RNF216: variants seen among roughly 807,000 people sequenced by gnomAD.
RNF216 encodes ring finger protein 216.
Under a neutral mutation model 110.8 loss-of-function variants are expected in RNF216, and 72 were observed. The ratio of observed to expected loss-of-function variants is 0.65; its 90% confidence interval spans 0.54 to 0.79. RNF216 has a LOEUF of 0.79. Ranked by LOEUF, RNF216 falls within the 30% of genes least tolerant of loss-of-function variation. RNF216 has a pLI of 0.00. For missense variants in RNF216, 1,342 were observed against 1,141.2 expected, an observed-to-expected ratio of 1.18 and a Z score of -2.54; for synonymous variants, 495 against 407.5, an observed-to-expected ratio of 1.21 and a Z score of -2.59.
chr7:5,778,578 G>A (rs1290446447), intron 1 of RNF216, among the ~76,000 whole-genome samples: 1 of 152,194 alleles, frequency 6.6e-6, no homozygotes, highest in Non-Finnish European at 1.5e-5. Flanking sequence ...GGATGGCACA[G>A]TAGATGATCT....
chr7:5,642,443 A>G (rs1277016805), intron 14 of RNF216, among the ~76,000 whole-genome samples: 4 of 151,928 alleles, frequency 2.6e-5, no homozygotes, highest in African/African-American at 9.7e-5. Flanking sequence ...GGAACTCCCG[A>G]CCTCAGGTGA....
In RNF216 at chr7:5,741,068, T is replaced by C. The variant is rs375136020; in HGVS notation, c.949A>G (p.Met317Val). 35 of 1,614,050 alleles carry C rather than the reference T, an allele frequency of 2.2e-5. No homozygotes were observed. The highest frequency in any genetic ancestry group is 4.0e-5 in the African/African-American group (3 of 74,904). Residue 317 changes from methionine (M) to valine (V), a missense_variant, in exon 4 of 17, where the codon ATG becomes GTG. Transcript: ENST00000389902. Reference protein sequence around the residue: ...DDEEPGPAFPMQESQEPNLEN... With the variant: ...DDEEPGPAFPVQESQEPNLEN... ...AAATTGGGCTCTTGAGATTCTTGCA[T>C]TGGAAAGGCTGGACCTGGCTCTTCA...
Position 5,734,021 on chromosome 7 carries a change from T to C in RNF216, c.1122-3204A>G, listed in dbSNP as rs868344295. Among the ~76,000 whole-genome samples the C allele has an allele frequency of 2.0e-5, 3 of 152,160 alleles. No individual in the cohort carries two copies. The South Asian group carries it at 6.2e-4, about 31-fold the overall frequency. ...AAAATGTAGTTATTATCATGCCACTTAGAAACCCAAAAAGAAAGTATTTTA... is the reference window on the plus strand; with the variant it reads ...AAAATGTAGTTATTATCATGCCACTCAGAAACCCAAAAAGAAAGTATTTTA... On this transcript the variant is annotated intron_variant, in intron 5 of 16. Transcript: ENST00000389902.
chr7:5,758,985 T>A (rs932799198), intron 2 of RNF216, among the ~76,000 whole-genome samples: 14 of 152,156 alleles, frequency 9.2e-5, no homozygotes, highest in African/African-American at 3.1e-4. Flanking sequence ...TAAACCCCAA[T>A]GTTGGAGATG....
At chr7:5,638,438 G>A (rs1301568954) in intron 15 of RNF216, among the ~76,000 whole-genome samples, 1 of 152,108 alleles carries the variant, frequency 6.6e-6, no homozygotes, top group South Asian at 2.1e-4. Flanking sequence ...GGAACTCCCA[G>A]ATCAAGTACA....
rs1786596462 is a variant in RNF216, at chr7:5,624,643, AGAG to A, written c.2383-521_2383-519del. ...TTGGCTCCTGGGCCAGGCCTCGGGG[AGAG>A]GAGGAAGGTGCGACAGTGAGGATGG... On this transcript the variant is annotated intron_variant, in intron 15 of 16. Coordinates refer to ENST00000389902, the MANE Select transcript of RNF216 (RefSeq NM_207111.4). The surrounding 1 kb of genome is among the most constrained non-coding windows in gnomAD (Gnocchi z 4.4). 6.6e-6 allele frequency among the ~76,000 whole-genome samples: 1 copy of A among 152,104 alleles called. No individual in the cohort carries two copies. Among genetic ancestry groups the A allele is most frequent in the Non-Finnish European group, 1.5e-5 (1 of 68,006 alleles).
chr7:5,713,748 A>G (rs968317343), intron 11 of RNF216, among the ~76,000 whole-genome samples: 4 of 152,250 alleles, frequency 2.6e-5, no homozygotes, highest in Admixed American at 2.6e-4. Flanking sequence ...ACAAATGGAA[A>G]AAGACGACAT....
chr7:5,680,744 A>C lies in RNF216; in HGVS notation c.2062-28234T>G, dbSNP rs181522383. On this transcript the variant is annotated intron_variant, in intron 13 of 16. Coordinates refer to ENST00000389902, the MANE Select transcript of RNF216 (RefSeq NM_207111.4). This position sits in a 1 kb window ranked among gnomAD's most constrained non-coding sequence, Gnocchi z 4.3. ...GATATCTAAAAGGCACCCCAGACAA[A>C]AGATGTCTGAAGCACCACTTCTGGC... Among the ~76,000 whole-genome samples the C allele has an allele frequency of 3.6e-3, 553 of 152,114 alleles. 1 individual carries two copies. The highest frequency in any genetic ancestry group is 0.012 in the African/African-American group (500 of 41,500).
In RNF216 at chr7:5,651,527, C is replaced by T. The variant is rs73338065; in HGVS notation, c.2159+886G>A. Among the ~76,000 whole-genome samples, 863 of 152,202 alleles carry T rather than the reference C, an allele frequency of 5.7e-3. 9 individuals carry two copies. The highest frequency in any genetic ancestry group is 0.02 in the African/African-American group (817 of 41,540). On this transcript the variant is annotated intron_variant, in intron 14 of 16. Coordinates refer to ENST00000389902, the MANE Select transcript of RNF216 (RefSeq NM_207111.4). ...GATTACAGGCCTGAGCTACCCTGCC[C>T]GGCTGTGAGACAATCTCTGAATAAC...
intron 13 of RNF216, among the ~76,000 whole-genome samples, chr7:5,693,679 C>T (rs944681010): frequency 6.6e-6 from 1 of 152,120 alleles, no homozygotes; most frequent in East Asian, 1.9e-4. Flanking sequence ...AGAGGAAATT[C>T]CCCTTTGCTA....
chr7:5,775,412 T>A (rs1222089123), intron 1 of RNF216, among the ~76,000 whole-genome samples: 2 of 152,196 alleles, frequency 1.3e-5, no homozygotes, highest in Non-Finnish European at 2.9e-5. Flanking sequence ...TTTTTCCTTA[T>A]GTATATGCTC....
chr7:5,667,446 CCCAT>C (rs528472539), intron 13 of RNF216, among the ~76,000 whole-genome samples: 260 of 152,274 alleles, frequency 1.7e-3, no homozygotes, highest in Non-Finnish European at 3.0e-3. Flanking sequence ...GAAAACCAGC[CCCAT>C]CTCTAGTTAC....
At chr7:5,675,638 C>T (rs569177964) in intron 13 of RNF216, among the ~76,000 whole-genome samples, 11 of 149,378 alleles carry the variant, frequency 7.4e-5, no homozygotes. Context: ...AAGACCCTCT[C>T]AAAACAAACA....
intron 13 of RNF216, among the ~76,000 whole-genome samples, chr7:5,653,591 ACT>A (rs1443153137): frequency 2.6e-5 from 3 of 114,614 alleles, no homozygotes; most frequent in East Asian, 3.2e-4. Flanking sequence ...ACAGAGCAAG[ACT>A]CTGTCTCAAA....
intron 13 of RNF216, among the ~76,000 whole-genome samples, chr7:5,707,136 T>C (rs891731354): frequency 6.6e-6 from 1 of 152,250 alleles, no homozygotes; most frequent in African/African-American, 2.4e-5. Context: ...TTGGTCTACA[T>C]GTCTGCCTGT....
chr7:5,773,954 C>G (rs1161988736), intron 1 of RNF216, among the ~76,000 whole-genome samples: 1 of 152,206 alleles, frequency 6.6e-6, no homozygotes, highest in Non-Finnish European at 1.5e-5. Flanking sequence ...GTCATTTTTA[C>G]AGCTAATTTA....
At chr7:5,779,179 C>G (rs1214814142) in intron 1 of RNF216, among the ~76,000 whole-genome samples, 4 of 152,192 alleles carry the variant, frequency 2.6e-5, no homozygotes, top group Non-Finnish European at 5.9e-5. Flanking sequence ...GTAGTAGAAT[C>G]AGCAAATACC....
At chr7:5,737,312 G>A (rs1584541067) in intron 5 of RNF216, among the ~76,000 whole-genome samples, 1 of 152,134 alleles carries the variant, frequency 6.6e-6, no homozygotes, top group Admixed American at 6.5e-5. Flanking sequence ...TTAAACACAT[G>A]CTTGAAGGCA....
At position 5,621,712 on chromosome 7, in the gene RNF216, T is replaced by G. The variant is rs1422479810; in HGVS notation, c.*1148A>C. 6.6e-6 allele frequency: 1 copy of G among 152,500 alleles called. No individual in the cohort carries two copies. The highest frequency in any genetic ancestry group is 1.9e-4 in the East Asian group (1 of 5,190). The allele number at this position is 152,500 out of a possible 1,614,324, so 9.4% of individuals were successfully genotyped here. A position where few individuals can be genotyped will look rare whatever the true frequency, so the allele number is the denominator to read the frequency against. The stretch of plus-strand genomic sequence containing the variant: ...GCAGGGCATGAGGAGGAGGAGAAAG[T>G]GATGCCTGTGGCCAGGAAGGCTTCA... On this transcript the variant is annotated 3_prime_UTR_variant, in exon 17 of 17. Transcript: ENST00000389902.
Sources: gnomAD v4.1 joint callset for allele counts (sites outside exome capture counted in the v4.1 genomes callset) on GRCh38, gnomAD v4.1.1 for gene constraint, Gnocchi (gnomAD v3.1) non-coding constraint, MANE v1.5 for transcripts, NCBI Gene and HGNC (gene_info 2026-07-23, HGNC 2026-07-21) for gene names.